Variants in MED15 observed in about 807,000 individuals in gnomAD.
MED15 encodes the protein mediator complex subunit 15, also known as mediator of RNA polymerase II transcription subunit 15.
In MED15, 41 loss-of-function variants were observed where a neutral mutation model predicts 118.7. The ratio of observed to expected loss-of-function variants is 0.35; its 90% confidence interval spans 0.27 to 0.45. The LOEUF is 0.45. Ranked by LOEUF, MED15 falls within the 20% of genes least tolerant of loss-of-function variation. The pLI is 1.00. For synonymous variants in MED15, 436 were observed against 413.9 expected (o/e 1.05, Z -0.65); for missense variants, 740 against 1,025.5 (o/e 0.72, Z 3.80).
At chr22:20,559,550 A>G in intron 5 of MED15, among the ~76,000 whole-genome samples, 1 of 152,226 alleles carries the variant, frequency 6.6e-6, no homozygotes, top group East Asian at 1.9e-4. Context: ...GCCCCAACCA[A>G]GTTAGCCATC....
intron 8 of MED15, among the ~76,000 whole-genome samples, chr22:20,571,025 G>A (rs1206755657): frequency 6.6e-6 from 1 of 152,144 alleles, no homozygotes; most frequent in African/African-American, 2.4e-5. Flanking sequence ...CTCCCTAAGT[G>A]TTGGGATTAC....
intron 2 of MED15, among the ~76,000 whole-genome samples, chr22:20,541,576 C>G (rs1363282455): frequency 6.6e-6 from 1 of 152,074 alleles, no homozygotes; most frequent in African/African-American, 2.4e-5. Context: ...CTTCGCCTCC[C>G]AAATTCCGGT....
intron 9 of MED15, among the ~76,000 whole-genome samples, chr22:20,577,581 G>T (rs777430065): frequency 1.3e-4 from 20 of 152,078 alleles, no homozygotes; most frequent in Non-Finnish European, 2.5e-4. Context: ...GAAGGATAGA[G>T]AAATATATGA....
At chr22:20,544,664 TCAAAAAAA>T (rs2055452411) in intron 2 of MED15, among the ~76,000 whole-genome samples, 1 of 152,084 alleles carries the variant, frequency 6.6e-6, no homozygotes, top group South Asian at 2.1e-4. Context: ...AGACTCTGTC[TCAAAAAAA>T]CAAACAAACA....
intron 2 of MED15, among the ~76,000 whole-genome samples, chr22:20,541,719 G>A (rs1039486635): frequency 2.0e-5 from 3 of 151,158 alleles, no homozygotes; most frequent in Non-Finnish European, 4.4e-5. Flanking sequence ...GCGGGATCTC[G>A]GCTCAACGCA....
intron 1 of MED15, among the ~76,000 whole-genome samples, chr22:20,521,695 CTTATTTATTTATTTAT>C (rs60248748): frequency 1.1e-4 from 16 of 141,030 alleles, no homozygotes; most frequent in Middle Eastern, 3.5e-3. Flanking sequence ...TGCGCCTGGC[CTTATTTATTTATTTAT>C]TTATTTATTT....
In MED15 at chr22:20,585,797, C is replaced by T. The variant is rs367828619; in HGVS notation, c.2201C>T (p.Pro734Leu). The change falls in exon 17 of 18, where the codon CCG becomes CTG. Residue 734 changes from proline to leucine, a missense_variant. Pro to Leu is a moderately conservative substitution (Grantham distance 98, BLOSUM62 -3). Transcript: ENST00000263205. ...SVPADYPAQSPLWIDRQWQYD... is the reference protein window; with the variant it reads ...SVPADYPAQSLLWIDRQWQYD... ...CCCGCTGACTATCCTGCCCAAAGCC[C>T]GCTGTGGATAGACCGGCAGTGGCAG... 4 of 1,613,356 alleles carry T rather than the reference C, an allele frequency of 2.5e-6. No homozygotes were observed. The highest frequency in any genetic ancestry group is 3.4e-6 in the Non-Finnish European group (4 of 1,179,986).
At chr22:20,583,798 G>GTT in intron 13 of MED15, 2 of 246,162 alleles carry the variant, frequency 8.1e-6, no homozygotes, top group Non-Finnish European at 8.1e-6. Flanking sequence ...GCCCACGTGT[G>GTT]TTGTCATGAA....
chr22:20,546,737 A>G (rs1449720086), intron 2 of MED15, among the ~76,000 whole-genome samples: 1 of 151,982 alleles, frequency 6.6e-6, no homozygotes, highest in East Asian at 1.9e-4. Context: ...TGATGCTTAG[A>G]TGGTCCCATC....
rs1218957003 is a variant in MED15, at chr22:20,582,531, T to C, written c.1273-80T>C. 2.0e-6 allele frequency: 3 copies of C among 1,531,220 alleles called. No homozygotes were observed. The Admixed American group carries it at 5.9e-5, about 30-fold the overall frequency. 94.9% of individuals were successfully genotyped at this position (1,531,220 alleles called of 1,614,324 possible). On this transcript the variant is annotated intron_variant, in intron 9 of 17. Coordinates refer to ENST00000263205, the MANE Select transcript of MED15 (RefSeq NM_001003891.3). ...GTGAGGCTGTGCGGGAGGATGGGCC[T>C]ATGCGTGCGGTGGGCAGGTGGTGTG...
intron 13 of MED15, chr22:20,584,062 T>C (rs527486642): frequency 2.4e-5 from 11 of 463,180 alleles, no homozygotes; most frequent in Non-Finnish European, 4.3e-5. Context: ...GTTAGGGTTA[T>C]AGGGATGAGT....
chr22:20,533,546 C>T (rs1477063853), intron 1 of MED15, among the ~76,000 whole-genome samples: 2 of 152,214 alleles, frequency 1.3e-5, no homozygotes, highest in African/African-American at 4.8e-5. Flanking sequence ...CACAGTGCTG[C>T]TGTTCTGAGC....
chr22:20,549,146 A>G (rs1239746636), intron 2 of MED15, among the ~76,000 whole-genome samples: 2 of 152,092 alleles, frequency 1.3e-5, no homozygotes. Flanking sequence ...TGTAAACTGG[A>G]TGTGTTAGTA....
intron 5 of MED15, 152 bp from the exon 6 acceptor site, chr22:20,564,298 T>A: frequency 7.3e-7 from 1 of 1,364,222 alleles, no homozygotes; most frequent in Admixed American, 2.3e-5. Flanking sequence ...TCGTATTCTA[T>A]CTTTCTGTCT....
At position 20,584,908 on chromosome 22, in the gene MED15, G is replaced by C; in HGVS notation, c.1857G>C (p.Gln619His). The C allele has an allele frequency of 6.2e-7, 1 of 1,613,860 alleles. No homozygotes were observed. Among genetic ancestry groups the C allele is most frequent in the Non-Finnish European group, 8.5e-7 (1 of 1,180,010 alleles). ...VPPTKQQYLC[Q>H]PLLDAVLANI... ...CGACCAAACAGCAGTACCTATGCCA[G>C]CCGCTCCTGGATGCCGTCCTGGCCA... Residue 619 changes from glutamine (Q) to histidine (H), a missense_variant, in exon 15 of 18, where the codon CAG (glutamine) becomes CAC (histidine). Physicochemically the swap from Gln to His is conservative, Grantham distance 24. Transcript: ENST00000263205.
intron 1 of MED15, among the ~76,000 whole-genome samples, chr22:20,516,516 C>G (rs1252141883): frequency 6.6e-6 from 1 of 152,032 alleles, no homozygotes; most frequent in Non-Finnish European, 1.5e-5. Context: ...CCCAGCCCTA[C>G]CAGGTCCCTT....
intron 5 of MED15, among the ~76,000 whole-genome samples, chr22:20,556,102 G>T (rs901662671): frequency 6.6e-6 from 1 of 152,102 alleles, no homozygotes. Flanking sequence ...GTGCTTTAGT[G>T]TTTTTTTCCC....
At chr22:20,520,430 T>C (rs991625819) in intron 1 of MED15, among the ~76,000 whole-genome samples, 2 of 152,256 alleles carry the variant, frequency 1.3e-5, no homozygotes, top group African/African-American at 2.4e-5. Context: ...CTGCAAGTGC[T>C]GTCAGTCTGC....
intron 1 of MED15, chr22:20,508,037 C>G (rs1289379832): frequency 1.4e-6 from 2 of 1,387,232 alleles, no homozygotes; most frequent in Non-Finnish European, 9.4e-7. Flanking sequence ...CAGACTTTCC[C>G]CCGCTTTTTG....
Sources: allele counts gnomAD v4.1 joint callset (sites outside exome capture counted in the v4.1 genomes callset), GRCh38; gene constraint gnomAD v4.1.1; transcripts MANE v1.5; gene names NCBI Gene and HGNC (gene_info 2026-07-23, HGNC 2026-07-21).